NDFIP1: variants seen among roughly 807,000 people sequenced by gnomAD.
The protein encoded by NDFIP1 is Nedd4 family interacting protein 1, also known as NEDD4 family-interacting protein 1.
A neutral mutation model predicts 28.8 loss-of-function variants in NDFIP1; 7 were observed. That is an observed-to-expected ratio of 0.24 (90% CI 0.14 to 0.46). NDFIP1 has a LOEUF of 0.46. Ranked by LOEUF, NDFIP1 falls within the 20% of genes least tolerant of loss-of-function variation. The pLI is 0.99. For synonymous variants in NDFIP1, 92 were observed against 101.0 expected (o/e 0.91, Z 0.53); for missense variants, 194 against 269.1 (o/e 0.72, Z 1.95).
At chr5:142,117,334 C>T (rs1757079073) in intron 1 of NDFIP1, among the ~76,000 whole-genome samples, 1 of 151,344 alleles carries the variant, frequency 6.6e-6, no homozygotes, top group African/African-American at 2.4e-5. Flanking sequence ...ACCTCCGCCT[C>T]CTGGGCTCAA....
intron 1 of NDFIP1, among the ~76,000 whole-genome samples, chr5:142,127,012 T>TTTTA (rs1179957373): frequency 3.9e-5 from 6 of 152,142 alleles, no homozygotes; most frequent in Middle Eastern, 3.4e-3. Context: ...CTCTATTTTA[T>TTTTA]TTTATTTATT....
intron 1 of NDFIP1, among the ~76,000 whole-genome samples, chr5:142,111,269 A>G (rs1048963692): frequency 1.3e-5 from 2 of 151,422 alleles, no homozygotes; most frequent in Non-Finnish European, 1.5e-5. Context: ...AAATAGGTTC[A>G]TAATTCTATT....
At position 142,134,829 on chromosome 5, in the gene NDFIP1, A is replaced by G. The variant is rs555714253; in HGVS notation, c.283-901A>G. Among the ~76,000 whole-genome samples, 20 of 152,350 alleles carry G rather than the reference A, an allele frequency of 1.3e-4. No individual in the cohort carries two copies. In the South Asian group the frequency reaches 4.1e-3, roughly 32 times the overall value. On this transcript the variant is annotated intron_variant, in intron 3 of 7. Coordinates refer to ENST00000253814, the MANE Select transcript of NDFIP1 (RefSeq NM_030571.4). ...AGGATGGAAAAGATCTTATCTGCTG[A>G]TAAGGTTAGAAGTGAGATTTAGATC...
intron 1 of NDFIP1, among the ~76,000 whole-genome samples, chr5:142,118,807 A>G (rs1257598502): frequency 6.6e-6 from 1 of 152,140 alleles, no homozygotes; most frequent in African/African-American, 2.4e-5. Context: ...TATTCTTCCA[A>G]TTATCCAATA....
Position 142,108,851 on chromosome 5 carries a change from C to A in NDFIP1, c.-124C>A. On this transcript the variant is annotated 5_prime_UTR_variant, in exon 1 of 8. Transcript: ENST00000253814. Reference sequence around the variant, plus strand: ...AGAAGAGCGTCTCGCCCGGGAGCGGCGGCGGCCATCGAGACCCACCCAAGG... The same window carrying A: ...AGAAGAGCGTCTCGCCCGGGAGCGGAGGCGGCCATCGAGACCCACCCAAGG... The A allele has an allele frequency of 2.7e-6, 2 of 747,850 alleles. No homozygotes were observed. Among genetic ancestry groups the A allele is most frequent in the Non-Finnish European group, 3.8e-6 (2 of 528,270 alleles). 46.3% of individuals were successfully genotyped at this position (747,850 alleles called of 1,614,324 possible).
intron 1 of NDFIP1, among the ~76,000 whole-genome samples, chr5:142,130,959 ATTTTT>A (rs1170984627): frequency 6.8e-6 from 1 of 146,432 alleles, no homozygotes; most frequent in African/African-American, 2.5e-5. Flanking sequence ...ATGAAATTTA[ATTTTT>A]TTTTTTTTAA....
In NDFIP1 at chr5:142,131,361, G is replaced by A. The variant is rs567106599; in HGVS notation, c.64-447G>A. On this transcript the variant is annotated intron_variant, in intron 1 of 7. Coordinates refer to ENST00000253814, the MANE Select transcript of NDFIP1 (RefSeq NM_030571.4). ...ACCATCTCAGCTCACTGCAACCTCC[G>A]CCTCCCGGGTTAAAACGATTCTTGT... is the stretch of plus-strand genomic sequence containing the variant. Among the ~76,000 whole-genome samples, 13 of 152,116 alleles carry A rather than the reference G, an allele frequency of 8.5e-5. No homozygotes were observed. In the East Asian group the frequency reaches 1.7e-3, roughly 20 times the overall value.
intron 1 of NDFIP1, among the ~76,000 whole-genome samples, chr5:142,127,204 C>T (rs995181645): frequency 6.6e-6 from 1 of 152,010 alleles, no homozygotes; most frequent in African/African-American, 2.4e-5. Flanking sequence ...TTAGTAGAGA[C>T]GAGATTTTAC....
At chr5:142,118,460 A>G (rs1388080655) in intron 1 of NDFIP1, among the ~76,000 whole-genome samples, 1 of 152,204 alleles carries the variant, frequency 6.6e-6, no homozygotes, top group Non-Finnish European at 1.5e-5. Context: ...ATTTGGGGGA[A>G]GACCACAGGT....
At chr5:142,130,919 A>G (rs1757221200) in intron 1 of NDFIP1, among the ~76,000 whole-genome samples, 1 of 152,136 alleles carries the variant, frequency 6.6e-6, no homozygotes, top group African/African-American at 2.4e-5. Flanking sequence ...TTCATGTAAT[A>G]ATAGTACACT....
intron 3 of NDFIP1, 130 bp downstream of exon 3, chr5:142,132,472 A>T: frequency 8.4e-7 from 1 of 1,192,338 alleles, no homozygotes; most frequent in South Asian, 1.6e-5. Flanking sequence ...AAAATCAGGT[A>T]CATTTGCTTT....
intron 1 of NDFIP1, among the ~76,000 whole-genome samples, chr5:142,128,808 G>T (rs1460553662): frequency 6.6e-6 from 1 of 152,158 alleles, no homozygotes; most frequent in Non-Finnish European, 1.5e-5. Context: ...TCTTCACCTG[G>T]AAGTGTTTTT....
Position 142,142,180 on chromosome 5 carries a change from C to T in NDFIP1, c.562+1551C>T, listed in dbSNP as rs190798474. Among the ~76,000 whole-genome samples, 3 of 152,214 alleles carry T rather than the reference C, an allele frequency of 2.0e-5. No individual in the cohort carries two copies. The East Asian group carries it at 5.8e-4, about 29-fold the overall frequency. ...TCAGGACCTGTTTTGCCAAAACTGACAGAGCCTTGCATTGCTGACCCTACA... is the reference window on the plus strand; with the variant it reads ...TCAGGACCTGTTTTGCCAAAACTGATAGAGCCTTGCATTGCTGACCCTACA... On this transcript the variant is annotated intron_variant, in intron 6 of 7. Coordinates refer to ENST00000253814, the MANE Select transcript of NDFIP1 (RefSeq NM_030571.4).
chr5:142,117,268 G>A (rs557210512), intron 1 of NDFIP1, among the ~76,000 whole-genome samples: 5 of 148,144 alleles, frequency 3.4e-5, no homozygotes, highest in African/African-American at 1.0e-4. Context: ...TTTTTGAGAC[G>A]GAGTCTCACT....
At chr5:142,134,938 T>C (rs778702074) in intron 3 of NDFIP1, among the ~76,000 whole-genome samples, 23 of 152,160 alleles carry the variant, frequency 1.5e-4, no homozygotes, top group Non-Finnish European at 2.9e-4. Flanking sequence ...ACTATTCTTT[T>C]TTCCCCTATA....
chr5:142,117,815 A>C (rs992235131), intron 1 of NDFIP1, among the ~76,000 whole-genome samples: 1 of 141,394 alleles, frequency 7.1e-6, no homozygotes, highest in African/African-American at 2.7e-5. Flanking sequence ...GCAACCCTCC[A>C]TCTTCAGGCT....
intron 1 of NDFIP1, among the ~76,000 whole-genome samples, chr5:142,126,342 T>C (rs948748536): frequency 6.6e-6 from 1 of 152,194 alleles, no homozygotes; most frequent in Admixed American, 6.5e-5. Flanking sequence ...CATTCAAAAC[T>C]AGAGTTCAAG....
intron 1 of NDFIP1, among the ~76,000 whole-genome samples, chr5:142,119,682 G>A (rs934371828): frequency 6.6e-6 from 1 of 151,580 alleles, no homozygotes; most frequent in African/African-American, 2.4e-5. Context: ...CAAACTTTCT[G>A]CTAATGATCA....
intron 2 of NDFIP1, 107 bp downstream of exon 2, chr5:142,132,002 A>G: frequency 8.3e-7 from 1 of 1,202,914 alleles, no homozygotes; most frequent in Non-Finnish European, 1.2e-6. Flanking sequence ...GAAAGGTTAC[A>G]AAGCAAGTCT....
Sources: gnomAD v4.1 joint callset for allele counts (sites outside exome capture counted in the v4.1 genomes callset) on GRCh38, gnomAD v4.1.1 for gene constraint, MANE v1.5 for transcripts, NCBI Gene and HGNC (gene_info 2026-07-23, HGNC 2026-07-21) for gene names.